CCDC93: variants seen among roughly 807,000 people sequenced by gnomAD.
CCDC93 encodes coiled-coil domain-containing protein 93.
Under a neutral mutation model 108.2 loss-of-function variants are expected in CCDC93, and 61 were observed. That is an observed-to-expected ratio of 0.56 (90% CI 0.46 to 0.70). The LOEUF (loss-of-function observed/expected upper bound fraction) is 0.70, where lower values mean the gene tolerates loss of function less well. Ranked by LOEUF, CCDC93 falls within the 30% of genes least tolerant of loss-of-function variation. The pLI is 0.00. For missense variants in CCDC93, 685 were observed against 764.2 expected, an observed-to-expected ratio of 0.90 and a Z score of 1.22; for synonymous variants, 276 against 260.4, an observed-to-expected ratio of 1.06 and a Z score of -0.58.
chr2:117,926,566 G>C (rs1010263774), intron 23 of CCDC93, among the ~76,000 whole-genome samples: 164 of 152,058 alleles, frequency 1.1e-3, no homozygotes, highest in Non-Finnish European at 1.9e-3. Context: ...AAGACTAAAC[G>C]AGGAAGAAGT....
chr2:118,005,588 C>A (rs1279060071), intron 3 of CCDC93, among the ~76,000 whole-genome samples: 2 of 151,990 alleles, frequency 1.3e-5, no homozygotes, highest in Admixed American at 6.6e-5. Context: ...GAGACACCAT[C>A]CCTACAAAAA....
intron 11 of CCDC93, among the ~76,000 whole-genome samples, chr2:117,963,674 C>G (rs1679464547): frequency 6.6e-6 from 1 of 152,198 alleles, no homozygotes; most frequent in African/African-American, 2.4e-5. Context: ...TCAGAATGCA[C>G]TTAACATTTA....
At chr2:118,009,727 C>G (rs1195039807) in intron 1 of CCDC93, among the ~76,000 whole-genome samples, 2 of 152,116 alleles carry the variant, frequency 1.3e-5, no homozygotes, top group East Asian at 3.9e-4. Context: ...TGACAACAGG[C>G]ATAGAAATGA....
chr2:117,973,984 G>T lies in CCDC93; in HGVS notation c.812C>A (p.Thr271Asn), dbSNP rs1266146892. Residue 271 changes from threonine (T) to asparagine (N), a missense_variant, in exon 11 of 24, where the codon ACC (threonine) becomes AAC (asparagine). Thr to Asn is a moderately conservative substitution (Grantham distance 65, BLOSUM62 0). Transcript: ENST00000376300. The part of the protein sequence containing the change: ...TAMANEESRL[T>N]ASSVGQIVGL... ...CACAATCTGGCCCACGGAGCTTGCG[G>T]TGAGACGGCTCTGCAAGTATATGGA... 6.2e-7 allele frequency: 1 copy of T among 1,609,438 alleles called. No homozygotes were observed. The highest frequency in any genetic ancestry group is 2.2e-5 in the East Asian group (1 of 44,778).
chr2:117,957,016 G>A (rs1027915446), intron 12 of CCDC93, among the ~76,000 whole-genome samples: 7 of 151,780 alleles, frequency 4.6e-5, no homozygotes, highest in African/African-American at 1.7e-4. Context: ...TCAGCCTCCT[G>A]AGTAGCTGGG....
chr2:117,924,759 A>G (rs1678016695), intron 23 of CCDC93, among the ~76,000 whole-genome samples: 1 of 152,222 alleles, frequency 6.6e-6, no homozygotes, highest in South Asian at 2.1e-4. Context: ...CCAACATTCA[A>G]ATTTAGGAAA....
At chr2:117,960,656 T>C (rs1051119380) in intron 11 of CCDC93, among the ~76,000 whole-genome samples, 6 of 152,206 alleles carry the variant, frequency 3.9e-5, no homozygotes, top group Non-Finnish European at 7.3e-5. Flanking sequence ...CCAGCAGCCA[T>C]CTTGATATGT....
chr2:117,926,854 G>C (rs1285499375), intron 23 of CCDC93, among the ~76,000 whole-genome samples: 3 of 152,066 alleles, frequency 2.0e-5, no homozygotes, highest in Non-Finnish European at 2.9e-5. Context: ...GATGAACATT[G>C]ATGCAAAAAT....
At chr2:117,975,413 A>T (rs1679912074) in intron 8 of CCDC93, 133 bp from the exon 9 acceptor site, 3 of 663,536 alleles carry the variant, frequency 4.5e-6, no homozygotes, top group Non-Finnish European at 5.3e-6. Flanking sequence ...GAGAGAGTGG[A>T]TACTCCAAAC....
rs183483997 is a variant in CCDC93 at position 117,975,175 on chromosome 2, A to G, written c.750+13T>C. ...TACACAGAAACCTCAGAGGGCCTAC[A>G]TGGACCACACACCTCTTCAGCTGCT... On this transcript the variant is annotated intron_variant, in intron 9 of 23. Coordinates refer to ENST00000376300, the MANE Select transcript of CCDC93 (RefSeq NM_019044.5). 1.8e-5 allele frequency: 29 copies of G among 1,609,748 alleles called. No homozygotes were observed. The Admixed American group carries it at 3.0e-4, about 17-fold the overall frequency.
At position 117,995,520 on chromosome 2, in the gene CCDC93, G is replaced by T. The variant is rs370133557; in HGVS notation, c.463-18C>A. 13 of 1,603,214 alleles carry T rather than the reference G, an allele frequency of 8.1e-6. No individual in the cohort carries two copies. In the African/African-American group the frequency reaches 1.5e-4, roughly 18 times the overall value. ...TCATCATCCTACAAGACAAAACAGAGCGATTAAACAAATCCCAAGGGAAAA... is the reference window on the plus strand; with the variant it reads ...TCATCATCCTACAAGACAAAACAGATCGATTAAACAAATCCCAAGGGAAAA... On this transcript the variant is annotated intron_variant, in intron 5 of 23. Transcript: ENST00000376300.
rs1009752202 is a variant in CCDC93 at position 117,999,513 on chromosome 2, C to T, written c.363+1308G>A. On this transcript the variant is annotated intron_variant, in intron 4 of 23. Coordinates refer to ENST00000376300, the MANE Select transcript of CCDC93 (RefSeq NM_019044.5). The stretch of plus-strand genomic sequence containing the variant: ...AGTCAGATGGGAAGTAGTGTTCACA[C>T]AGCGGGCAACACACCTGAGTCCCTT... 9 of 152,340 alleles carry T rather than the reference C, an allele frequency of 5.9e-5. No individual in the cohort carries two copies. The East Asian group carries it at 1.7e-3, about 29-fold the overall frequency. The allele number at this position is 152,340 out of a possible 1,614,324, so 9.4% of individuals were successfully genotyped here.
At chr2:117,922,348 C>A (rs1431637739) in intron 23 of CCDC93, among the ~76,000 whole-genome samples, 1 of 152,110 alleles carries the variant, frequency 6.6e-6, no homozygotes, top group Non-Finnish European at 1.5e-5. Flanking sequence ...GTGTTTGTTT[C>A]TAGAAGAAAA....
rs556813717 is a variant in CCDC93 at position 117,968,061 on chromosome 2, T to C, written c.888+5847A>G. Among the ~76,000 whole-genome samples the C allele has an allele frequency of 6.6e-5, 10 of 152,324 alleles. No individual in the cohort carries two copies. The East Asian group carries it at 1.9e-3, about 29-fold the overall frequency. ...AGAGCTATAAAATATTCAGATCCTT[T>C]AGAGCTACAAAATGTTCCAATATCC... On this transcript the variant is annotated intron_variant, in intron 11 of 23. Transcript: ENST00000376300.
At chr2:117,991,287 G>A (rs1168486917) in intron 6 of CCDC93, among the ~76,000 whole-genome samples, 1 of 152,188 alleles carries the variant, frequency 6.6e-6, no homozygotes, top group Non-Finnish European at 1.5e-5. Flanking sequence ...GTTCTCGTAA[G>A]GAAATGAAGA....
intron 6 of CCDC93, among the ~76,000 whole-genome samples, chr2:117,987,548 A>G (rs1299769662): frequency 6.6e-6 from 1 of 152,228 alleles, no homozygotes; most frequent in Non-Finnish European, 1.5e-5. Context: ...GTCTAGCCCT[A>G]TCTCTGCCAC....
chr2:117,937,616 G>A (rs1365956423), intron 20 of CCDC93, among the ~76,000 whole-genome samples: 1 of 152,216 alleles, frequency 6.6e-6, no homozygotes, highest in South Asian at 2.1e-4. Flanking sequence ...TTTTTAAACA[G>A]TGGAACAACT....
chr2:117,985,148 A>AAC (rs1553457545), intron 7 of CCDC93, among the ~76,000 whole-genome samples: 13 of 62,904 alleles, frequency 2.1e-4, no homozygotes, highest in East Asian at 1.1e-3. Flanking sequence ...AAACAAAACA[A>AAC]AAAAAAAAAA....
intron 23 of CCDC93, among the ~76,000 whole-genome samples, chr2:117,927,915 T>C (rs1468786850): frequency 6.6e-6 from 1 of 152,218 alleles, no homozygotes; most frequent in Non-Finnish European, 1.5e-5. Context: ...AACAGAGATA[T>C]AGACCAATGG....
Sources: gnomAD v4.1 joint callset for allele counts (sites outside exome capture counted in the v4.1 genomes callset) on GRCh38, gnomAD v4.1.1 for gene constraint, MANE v1.5 for transcripts, NCBI Gene and HGNC (gene_info 2026-07-23, HGNC 2026-07-21) for gene names.